Variants in SMTNL1 observed in about 807,000 individuals in gnomAD.
The protein encoded by SMTNL1 is smoothelin-like protein 1.
Under a neutral mutation model 46.6 loss-of-function variants are expected in SMTNL1, and 41 were observed. The ratio of observed to expected loss-of-function variants is 0.88; its 90% CI spans 0.69 to 1.14. SMTNL1 has a LOEUF of 1.14. Ranked by LOEUF, SMTNL1 falls within the 50% of genes most tolerant of loss-of-function variation. The pLI, the probability that SMTNL1 is intolerant of heterozygous loss-of-function variation, is 0.00. For synonymous variants in SMTNL1, 234 were observed against 234.2 expected, an observed-to-expected ratio of 1.00 and a Z score of 0.01; for missense variants, 591 against 626.1, an observed-to-expected ratio of 0.94 and a Z score of 0.60.
At position 57,546,652 on chromosome 11, in the gene SMTNL1, A is replaced by G; in HGVS notation, c.1340A>G (p.Glu447Gly). 6.2e-7 allele frequency: 1 copy of G among 1,612,850 alleles called. No individual in the cohort carries two copies. Among genetic ancestry groups the G allele is most frequent in the Non-Finnish European group, 8.5e-7 (1 of 1,179,414 alleles). The change falls in exon 7 of 8, where the codon GAG (glutamate) becomes GGG (glycine). Residue 447 changes from glutamate to glycine, a missense_variant and splice_region_variant. By Grantham distance (98) the Glu-to-Gly change is moderately conservative. Transcript: ENST00000527972. The part of the protein sequence containing the change: ...HNFTLAFSTA[E>G]KLADCAQLLD... ...TTCACCCTGGCCTTCTCCACAGCAG[A>G]GTAAGCCACAGCCATGGGCTGGCAG...
In SMTNL1 at chr11:57,550,124, G is replaced by T; in HGVS notation, c.*12G>T. The stretch of plus-strand genomic sequence containing the variant: ...CCAAGAAGAAGTGAGGAGGTGACTG[G>T]CTCTGTGGGCAGAGATGGGCAGGGT... On this transcript the variant is annotated 3_prime_UTR_variant, in exon 8 of 8. Coordinates refer to ENST00000527972, the MANE Select transcript of SMTNL1 (RefSeq NM_001105565.3). 6.2e-7 allele frequency: 1 copy of T among 1,606,652 alleles called. No individual in the cohort carries two copies.
chr11:57,543,117 A>G lies in SMTNL1; in HGVS notation c.475A>G (p.Lys159Glu). The part of the protein sequence containing the change: ...GQKADANDRD[K>E]PEPKATVEEE... ...GAAAGCCGATGCCAATGACAGAGAC[A>G]AGCCTGAACCTAAGGCAACAGTTGA... Residue 159 changes from lysine (K) to glutamate (E), a missense_variant, in exon 2 of 8, where the codon AAG becomes GAG. Lys to Glu is a moderately conservative substitution (Grantham distance 56). Coordinates refer to ENST00000527972, the MANE Select transcript of SMTNL1 (RefSeq NM_001105565.3). The G allele has an allele frequency of 1.2e-6, 2 of 1,612,924 alleles. No individual in the cohort carries two copies. The highest frequency in any genetic ancestry group is 1.7e-6 in the Non-Finnish European group (2 of 1,179,396).
chr11:57,540,600 C>T (rs1363352364), intron 1 of SMTNL1, among the ~76,000 whole-genome samples: 1 of 152,190 alleles, frequency 6.6e-6, no homozygotes, highest in Non-Finnish European at 1.5e-5. Context: ...AGAGGGAAAA[C>T]TACTTGCTCA....
At position 57,545,842 on chromosome 11, in the gene SMTNL1, C is replaced by T. The variant is rs572629710; in HGVS notation, c.918-39C>T. The T allele has an allele frequency of 3.2e-6, 5 of 1,569,026 alleles. No individual in the cohort carries two copies. The African/African-American group carries it at 6.7e-5, about 21-fold the overall frequency. ...CCTCCCTGTGTCCTGCAGTGCTGGT[C>T]CCAGCCTCTCTCACACGTCTTTGGA... is the stretch of plus-strand genomic sequence containing the variant. On this transcript the variant is annotated intron_variant, in intron 4 of 7. Transcript: ENST00000527972.
At position 57,542,700 on chromosome 11, in the gene SMTNL1, G is replaced by C; in HGVS notation, c.58G>C (p.Asp20His). 1 of 1,613,886 alleles carries C rather than the reference G, an allele frequency of 6.2e-7. No homozygotes were observed. Among genetic ancestry groups the C allele is most frequent in the Non-Finnish European group, 8.5e-7 (1 of 1,179,850 alleles). ...TGGGACCACCGTCTCCCCAGCTGCG[G>C]ACAACCCTGAGATGTCAGGAGGTGG... The part of the protein sequence containing the change: ...EDGTTVSPAA[D>H]NPEMSGGGAP... Residue 20 changes from aspartate to histidine, a missense_variant, in exon 2 of 8, where the codon GAC (aspartate) becomes CAC (histidine). Physicochemically the swap from Asp to His is moderately conservative, Grantham distance 81. Coordinates refer to ENST00000527972, the MANE Select transcript of SMTNL1 (RefSeq NM_001105565.3).
chr11:57,543,977 G>A, intron 4 of SMTNL1, 57 bp downstream of exon 4: 1 of 1,517,760 alleles, frequency 6.6e-7, no homozygotes, highest in Admixed American at 2.0e-5. Flanking sequence ...GCTTCCCTCA[G>A]CGTCCACCAT....
chr11:57,550,149 T>G lies in SMTNL1; in HGVS notation c.*37T>G, dbSNP rs780061604. ...GCTCTGTGGGCAGAGATGGGCAGGGTGCCCAGCTCAGCAGCCACGGCCCGG... is the reference window on the plus strand; with the variant it reads ...GCTCTGTGGGCAGAGATGGGCAGGGGGCCCAGCTCAGCAGCCACGGCCCGG... On this transcript the variant is annotated 3_prime_UTR_variant, in exon 8 of 8. Transcript: ENST00000527972. 2 of 1,588,010 alleles carry G rather than the reference T, an allele frequency of 1.3e-6. No homozygotes were observed. The highest frequency in any genetic ancestry group is 1.3e-5 in the African/African-American group (1 of 74,412).
chr11:57,542,552 T>C, intron 1 of SMTNL1, 89 bp from the exon 2 acceptor site: 1 of 1,458,566 alleles, frequency 6.9e-7, no homozygotes, highest in Non-Finnish European at 9.1e-7. Context: ...ACGGACTTCC[T>C]GACTCCCAGG....
At chr11:57,543,434 C>T (rs1367794504) in intron 2 of SMTNL1, 60 bp downstream of exon 2, 36 of 1,572,588 alleles carry the variant, frequency 2.3e-5, no homozygotes, top group Non-Finnish European at 2.9e-5. Context: ...GGAAGCAAGC[C>T]CCCTCTGCTT....
chr11:57,542,256 C>A (rs1944885484), intron 1 of SMTNL1, among the ~76,000 whole-genome samples: 1 of 152,174 alleles, frequency 6.6e-6, no homozygotes, highest in African/African-American at 2.4e-5. Context: ...TGAGATTGTG[C>A]TCCTGCACTC....
chr11:57,542,791 C>G lies in SMTNL1; in HGVS notation c.149C>G (p.Ser50Ter), dbSNP rs917792654. The G allele has an allele frequency of 6.2e-7, 1 of 1,613,858 alleles. No homozygotes were observed. Among genetic ancestry groups the G allele is most frequent in the Admixed American group, 1.7e-5 (1 of 60,000 alleles). The stretch of plus-strand genomic sequence containing the variant: ...ATCAATGAGGGGCCTCCCACTGAGT[C>G]AGGAAAGCAGGAAAAGGCACCAGCC... ...KAINEGPPTE[S>*]GKQEKAPAED... Residue 50 changes from serine (S) to a stop codon, truncating the protein, a stop_gained, in exon 2 of 8, where the codon TCA becomes TGA. Transcript: ENST00000527972. LOFTEE classifies it high-confidence loss of function.
At position 57,545,905 on chromosome 11, in the gene SMTNL1, CCA is replaced by C; in HGVS notation, c.943_944del (p.Gln315GlufsTer4). ...ASESSPSDVP[Q>X]SPPESPSSGE... ...GTGAGTCTTCACCCAGCGACGTGCC[CCA>C]GAGTCCCCCTGAGTCCCCTTCCTCA... On this transcript the variant is annotated frameshift_variant, in exon 5 of 8. Coordinates refer to ENST00000527972, the MANE Select transcript of SMTNL1 (RefSeq NM_001105565.3). LOFTEE classifies it high-confidence loss of function. 1 of 1,613,464 alleles carries C rather than the reference CCA, an allele frequency of 6.2e-7. No individual in the cohort carries two copies. Among genetic ancestry groups the C allele is most frequent in the Non-Finnish European group, 8.5e-7 (1 of 1,179,686 alleles).
chr11:57,544,130 G>A (rs544260320), intron 4 of SMTNL1, among the ~76,000 whole-genome samples: 77 of 152,308 alleles, frequency 5.1e-4, no homozygotes, highest in African/African-American at 1.5e-3. Context: ...CTGTAATCCC[G>A]GCACTCTTGG....
At position 57,543,148 on chromosome 11, in the gene SMTNL1, A is replaced by G. The variant is rs959478104; in HGVS notation, c.506A>G (p.Glu169Gly). The change falls in exon 2 of 8, where the codon GAG (glutamate) becomes GGG (glycine). Residue 169 changes from glutamate to glycine, a missense_variant. Physicochemically the swap from Glu to Gly is moderately conservative, Grantham distance 98. Coordinates refer to ENST00000527972, the MANE Select transcript of SMTNL1 (RefSeq NM_001105565.3). ...KPEPKATVEE[E>G]DAKTASQEET... is the part of the protein sequence containing the mutation. ...GAACCTAAGGCAACAGTTGAGGAGG[A>G]GGACGCCAAGACAGCCTCTCAGGAG... 2.7e-5 allele frequency: 43 copies of G among 1,613,358 alleles called. No individual in the cohort carries two copies. Among genetic ancestry groups the G allele is most frequent in the Non-Finnish European group, 3.6e-5 (42 of 1,179,646 alleles).
At position 57,542,111 on chromosome 11, in the gene SMTNL1, A is replaced by ACAC. The variant is rs1491501897; in HGVS notation, c.-2-530_-2-529insCAC. ...GGCAAAACCCCATCTCTACAAAAAA[A>ACAC]AAACACACACACACACACACACACA... On this transcript the variant is annotated intron_variant, in intron 1 of 7. Coordinates refer to ENST00000527972, the MANE Select transcript of SMTNL1 (RefSeq NM_001105565.3). Among the ~76,000 whole-genome samples, 48 of 87,976 alleles carry ACAC rather than the reference A, an allele frequency of 5.5e-4. 1 individual carries two copies. The highest frequency in any genetic ancestry group is 2.0e-3 in the African/African-American group (44 of 22,140). 57.7% of individuals were successfully genotyped at this position (87,976 alleles called of 152,430 possible). A position where few individuals can be genotyped will look rare whatever the true frequency, so the allele number is the denominator to read the frequency against.
At chr11:57,540,483 C>T (rs1944864520) in intron 1 of SMTNL1, among the ~76,000 whole-genome samples, 1 of 152,182 alleles carries the variant, frequency 6.6e-6, no homozygotes, top group Admixed American at 6.5e-5. Context: ...CCCAACCCCA[C>T]AGAAAACCCT....
intron 5 of SMTNL1, 61 bp downstream of exon 5, chr11:57,546,097 G>A: frequency 6.5e-7 from 1 of 1,530,136 alleles, no homozygotes; most frequent in Non-Finnish European, 8.8e-7. Flanking sequence ...TTGGTGGGAG[G>A]GTGGCCTCAG....
intron 1 of SMTNL1, among the ~76,000 whole-genome samples, chr11:57,539,988 C>T (rs1232225973): frequency 1.3e-5 from 2 of 152,034 alleles, no homozygotes; most frequent in Admixed American, 1.3e-4. Context: ...CAAACAAGAG[C>T]AGAGAGAAAG....
At position 57,550,115 on chromosome 11, in the gene SMTNL1, A is replaced by G. The variant is rs1352255714; in HGVS notation, c.*3A>G. 6.2e-7 allele frequency: 1 copy of G among 1,610,690 alleles called. No homozygotes were observed. Among genetic ancestry groups the G allele is most frequent in the Non-Finnish European group, 8.5e-7 (1 of 1,178,284 alleles). On this transcript the variant is annotated 3_prime_UTR_variant, in exon 8 of 8. Coordinates refer to ENST00000527972, the MANE Select transcript of SMTNL1 (RefSeq NM_001105565.3). ...TGGTGAAGACCAAGAAGAAGTGAGGAGGTGACTGGCTCTGTGGGCAGAGAT... is the reference window on the plus strand; with the variant it reads ...TGGTGAAGACCAAGAAGAAGTGAGGGGGTGACTGGCTCTGTGGGCAGAGAT...
Sources: allele counts gnomAD v4.1 joint callset (sites outside exome capture counted in the v4.1 genomes callset), GRCh38; gene constraint gnomAD v4.1.1; transcripts MANE v1.5; gene names NCBI Gene and HGNC (gene_info 2026-07-23, HGNC 2026-07-21).